Variants in TOPORS observed in about 807,000 individuals in gnomAD.
TOPORS encodes E3 ubiquitin-protein ligase Topors.
TOPORS carries 25 observed loss-of-function variants against 81.4 expected under a neutral mutation model. The observed-to-expected ratio is 0.31, with a 90% CI of 0.22 to 0.43. The LOEUF is 0.43. TOPORS is among the 20% of genes least tolerant of loss of function. The pLI, the probability that TOPORS is intolerant of heterozygous loss-of-function variation, is 1.00. For synonymous variants in TOPORS, 473 were observed against 456.6 expected (o/e 1.04, Z -0.46); for missense variants, 1,101 against 1,267.0 (o/e 0.87, Z 1.99).
Position 32,543,123 on chromosome 9 carries a change from T to A in TOPORS, c.1402A>T (p.Asn468Tyr). 1.2e-6 allele frequency: 2 copies of A among 1,614,122 alleles called. No individual in the cohort carries two copies. Among genetic ancestry groups the A allele is most frequent in the Non-Finnish European group, 1.7e-6 (2 of 1,180,024 alleles). ...TCTGAAGAATCATCACTGTCATTAT[T>A]TAGGTCGTCATTGGTTTGTACTCCT... The part of the protein sequence containing the change: ...IQGVQTNDDL[N>Y]NDSDDSSDNC... Residue 468 changes from asparagine to tyrosine, a missense_variant, in exon 3 of 3, where the codon AAT becomes TAT. Asn to Tyr is a moderately radical substitution (Grantham distance 143, BLOSUM62 -2). Transcript: ENST00000360538. The surrounding 1 kb of genome is among the most constrained non-coding windows in gnomAD (Gnocchi z 5.6).
At chr9:32,548,797 T>C (rs1821177214) in intron 2 of TOPORS, among the ~76,000 whole-genome samples, 1 of 152,170 alleles carries the variant, frequency 6.6e-6, no homozygotes, top group African/African-American at 2.4e-5. Context: ...AAAACTTCCC[T>C]TTCCCGAAAA....
In TOPORS at chr9:32,541,402, GTC is replaced by G; in HGVS notation, c.3121_3122del (p.Asp1041LeufsTer2). 3 of 1,614,112 alleles carry G rather than the reference GTC, an allele frequency of 1.9e-6. No homozygotes were observed. In the East Asian group the frequency reaches 6.7e-5, roughly 36 times the overall value. ...TTTGGCAGTTTTAAGACATATCACA[GTC>G]TCTACCAAGACATACTGACATTAAT... ...TSLMSVCLGR[D>X]CDMS On this transcript the variant is annotated frameshift_variant, in exon 3 of 3. Transcript: ENST00000360538. LOFTEE classifies it high-confidence loss of function.
In TOPORS at chr9:32,541,923, C is replaced by G; in HGVS notation, c.2602G>C (p.Glu868Gln). 1 of 1,613,902 alleles carries G rather than the reference C, an allele frequency of 6.2e-7. No individual in the cohort carries two copies. Among genetic ancestry groups the G allele is most frequent in the Non-Finnish European group, 8.5e-7 (1 of 1,180,000 alleles). The change falls in exon 3 of 3, where the codon GAG becomes CAG. Residue 868 changes from glutamate (E) to glutamine (Q), a missense_variant. Glu to Gln is a conservative substitution (Grantham distance 29). Transcript: ENST00000360538. ...RKRKTRSLSV[E>Q]IVYEGKATDT... ...GTAGCTTTTCCTTCATAAACTATCT[C>G]TACACTTAGGCTCCGGGTCTTCCTT... is the stretch of plus-strand genomic sequence containing the variant.
intron 1 of TOPORS, chr9:32,552,174 C>G (rs1395492848): frequency 6.8e-6 from 3 of 438,966 alleles, no homozygotes; most frequent in Admixed American, 3.9e-5. Flanking sequence ...CCTTAGTTGG[C>G]AAAAAAAAAA....
At position 32,543,243 on chromosome 9, in the gene TOPORS, A is replaced by G. The variant is rs765558710; in HGVS notation, c.1282T>C (p.Ser428Pro). The G allele has an allele frequency of 1.2e-6, 2 of 1,613,708 alleles. No homozygotes were observed. Among genetic ancestry groups the G allele is most frequent in the South Asian group, 1.1e-5 (1 of 91,086 alleles). The change falls in exon 3 of 3, where the codon TCA (serine) becomes CCA (proline). Residue 428 changes from serine (S) to proline (P), a missense_variant. By Grantham distance (74) the Ser-to-Pro change is moderately conservative. Coordinates refer to ENST00000360538, the MANE Select transcript of TOPORS (RefSeq NM_005802.5). This position sits in a 1 kb window ranked among gnomAD's most constrained non-coding sequence, Gnocchi z 5.6. ...GACATAGTAACGTGTACCTGCTCTGAGCTTGAGTAAGATGGTCCTGGAGTT... is the reference window on the plus strand; with the variant it reads ...GACATAGTAACGTGTACCTGCTCTGGGCTTGAGTAAGATGGTCCTGGAGTT... Reference protein sequence around the residue: ...DETPGPSYSSSEQVHVTMSSL... With the variant: ...DETPGPSYSSPEQVHVTMSSL...
chr9:32,541,939 G>A lies in TOPORS; in HGVS notation c.2586C>T (p.Thr862=). 1.2e-6 allele frequency: 2 copies of A among 1,613,402 alleles called. No individual in the cohort carries two copies. Among genetic ancestry groups the A allele is most frequent in the African/African-American group, 1.3e-5 (1 of 74,862 alleles). ...AAACTATCTCTACACTTAGGCTCCG[G>A]GTCTTCCTTTTTCTCCTTTTGTGTT... ...ETKHKRRKRK[T]RSLSVEIVYE... The change falls in exon 3 of 3, where the codon ACC becomes ACT. Residue 862 remains threonine (T), a synonymous_variant. Transcript: ENST00000360538.
At position 32,550,845 on chromosome 9, in the gene TOPORS, G is replaced by T. The variant is rs746835403; in HGVS notation, c.127C>A (p.Arg43=). ...TCCCGGCAGCCCAGAAAGCTAGGTC[G>T]GTGTCGGCAGGATCCGCGAAGGCGT... ...RVRLRGSCRH[R]PSFLGCRELA... Residue 43 remains arginine (R), a synonymous_variant, in exon 2 of 3, where the codon CGA becomes AGA. Coordinates refer to ENST00000360538, the MANE Select transcript of TOPORS (RefSeq NM_005802.5). The T allele has an allele frequency of 5.6e-6, 9 of 1,612,874 alleles. No homozygotes were observed. Among genetic ancestry groups the T allele is most frequent in the African/African-American group, 2.7e-5 (2 of 74,924 alleles).
Position 32,544,249 on chromosome 9 carries a change from T to A in TOPORS, c.276A>T (p.Thr92=). ...AATCAGGAGATGCATCAGCTGGTAC[T>A]GTCTGTTGCAATTTGCTAGTGCCAG... The part of the protein sequence containing the change: ...PKAGTSKLQQ[T]VPADASPDSK... The change falls in exon 3 of 3, where the codon ACA becomes ACT. Residue 92 remains threonine, a synonymous_variant. Transcript: ENST00000360538. The A allele has an allele frequency of 3.7e-6, 6 of 1,609,172 alleles. No individual in the cohort carries two copies. Among genetic ancestry groups the A allele is most frequent in the Non-Finnish European group, 5.1e-6 (6 of 1,179,976 alleles).
rs1409585592 is a variant in TOPORS at position 32,541,813 on chromosome 9, G to A, written c.2712C>T (p.Ser904=). 1 of 1,614,026 alleles carries A rather than the reference G, an allele frequency of 6.2e-7. No homozygotes were observed. Among genetic ancestry groups the A allele is most frequent in the Non-Finnish European group, 8.5e-7 (1 of 1,180,034 alleles). ...CACTGTCAATGGTAATTACAACTGGGGAACGTGAAGCATTATCTCCATGGT... is the reference window on the plus strand; with the variant it reads ...CACTGTCAATGGTAATTACAACTGGAGAACGTGAAGCATTATCTCCATGGT... ...KKHHGDNASR[S]PVVITIDSDS... The change falls in exon 3 of 3, where the codon TCC becomes TCT. Residue 904 remains serine (S), a synonymous_variant. Transcript: ENST00000360538.
At chr9:32,551,422 AGCCCAACCAGT>A (rs992413271) in intron 1 of TOPORS, 3 of 319,028 alleles carry the variant, frequency 9.4e-6, no homozygotes, top group African/African-American at 6.5e-5. Context: ...CCCAAACCAG[AGCCCAACCAGT>A]ATCCTATAAA....
chr9:32,546,423 C>G (rs1317395670), intron 2 of TOPORS, among the ~76,000 whole-genome samples: 1 of 152,134 alleles, frequency 6.6e-6, no homozygotes, highest in Non-Finnish European at 1.5e-5. Flanking sequence ...GACTGAAGAC[C>G]AGGCTTCACC....
At chr9:32,547,983 C>T (rs1363270949) in intron 2 of TOPORS, among the ~76,000 whole-genome samples, 3 of 150,298 alleles carry the variant, frequency 2.0e-5, no homozygotes, top group South Asian at 2.1e-4. Flanking sequence ...TACAGGCGCC[C>T]GCCACCACGC....
At chr9:32,548,618 C>T (rs934868571) in intron 2 of TOPORS, among the ~76,000 whole-genome samples, 13 of 152,170 alleles carry the variant, frequency 8.5e-5, no homozygotes, top group African/African-American at 2.7e-4. Context: ...ATGAAAAACA[C>T]AGTGCTTCAG....
chr9:32,551,160 C>T, intron 1 of TOPORS, 192 bp from the exon 2 acceptor site: 1 of 683,846 alleles, frequency 1.5e-6, no homozygotes, highest in Admixed American at 2.4e-5. Flanking sequence ...GCTCCAGACC[C>T]CGGAGGAGGG....
chr9:32,541,253 A>G lies in TOPORS; in HGVS notation c.*134T>C, dbSNP rs1821051403. The stretch of plus-strand genomic sequence containing the variant: ...GATTTTTACAAATTAACACCAAAAA[A>G]AAAATCATTTAAAATATTGTAAGGA... On this transcript the variant is annotated 3_prime_UTR_variant, in exon 3 of 3. Transcript: ENST00000360538. 1 of 938,452 alleles carries G rather than the reference A, an allele frequency of 1.1e-6. No homozygotes were observed. Among genetic ancestry groups the G allele is most frequent in the Non-Finnish European group, 1.6e-6 (1 of 635,446 alleles). The allele number at this position is 938,452 out of a possible 1,614,324, so 58.1% of individuals were successfully genotyped here. A position where few individuals can be genotyped will look rare whatever the true frequency, so the allele number is the denominator to read the frequency against.
chr9:32,542,431 G>A lies in TOPORS; in HGVS notation c.2094C>T (p.Ser698=), dbSNP rs1821080210. 1 of 1,613,520 alleles carries A rather than the reference G, an allele frequency of 6.2e-7. No homozygotes were observed. Among genetic ancestry groups the A allele is most frequent in the Non-Finnish European group, 8.5e-7 (1 of 1,179,994 alleles). ...AATAAGTATACTCCCATTTGTATCT[G>A]CTTCCATAATTATTTCTTAAATAAT... ...DRYYLRNNYG[S]RYKWEYTYYS... is the part of the protein sequence containing the mutation. Residue 698 remains serine, a synonymous_variant, in exon 3 of 3, where the codon AGC becomes AGT. Transcript: ENST00000360538.
intron 1 of TOPORS, chr9:32,552,186 A>G: frequency 1.7e-6 from 1 of 601,838 alleles, no homozygotes; most frequent in Non-Finnish European, 2.9e-6. Context: ...AAAAAAAAAA[A>G]AAAAAAGCAA....
intron 2 of TOPORS, among the ~76,000 whole-genome samples, chr9:32,549,020 T>C (rs1821180219): frequency 6.6e-6 from 1 of 151,756 alleles, no homozygotes; most frequent in Non-Finnish European, 1.5e-5. Context: ...ACTACAAAAG[T>C]CATCTATGGC....
Position 32,550,851 on chromosome 9 carries a change from G to C in TOPORS, c.121C>G (p.Arg41Gly), listed in dbSNP as rs780889943. Residue 41 changes from arginine (R) to glycine (G), a missense_variant, in exon 2 of 3, where the codon CGA (arginine) becomes GGA (glycine). Around this residue, in one of 9 missense-constraint regions of TOPORS, gnomAD observed 131 missense variants for 101.0 expected, o/e 1.30. Coordinates refer to ENST00000360538, the MANE Select transcript of TOPORS (RefSeq NM_005802.5). The part of the protein sequence containing the change: ...SRRVRLRGSC[R>G]HRPSFLGCRE... ...CAGCCCAGAAAGCTAGGTCGGTGTC[G>C]GCAGGATCCGCGAAGGCGTACCCGG... is the stretch of plus-strand genomic sequence containing the variant. 3.7e-6 allele frequency: 6 copies of C among 1,612,984 alleles called. No homozygotes were observed. The highest frequency in any genetic ancestry group is 1.7e-5 in the Admixed American group (1 of 60,008).
Sources: gnomAD v4.1 joint callset for allele counts (sites outside exome capture counted in the v4.1 genomes callset) on GRCh38, gnomAD v4.1.1 for gene constraint, gnomAD v4.1.1 regional missense constraint, Gnocchi (gnomAD v3.1) non-coding constraint, MANE v1.5 for transcripts, NCBI Gene and HGNC (gene_info 2026-07-23, HGNC 2026-07-21) for gene names.